RFTN2: variants seen among roughly 807,000 people sequenced by gnomAD.
The protein encoded by RFTN2 is raftlin-2.
Under a neutral mutation model 52.7 loss-of-function variants are expected in RFTN2, and 34 were observed. That is an observed-to-expected ratio of 0.64 (90% CI 0.49 to 0.86). RFTN2 has a LOEUF of 0.86. Ranked by LOEUF, RFTN2 falls within the 40% of genes least tolerant of loss-of-function variation. The pLI is 0.00. For synonymous variants in RFTN2, 203 were observed against 217.7 expected (o/e 0.93, Z 0.59); for missense variants, 536 against 600.1 (o/e 0.89, Z 1.12).
chr2:197,641,372 A>G (rs1014679076), intron 3 of RFTN2, among the ~76,000 whole-genome samples: 1 of 152,232 alleles, frequency 6.6e-6, no homozygotes, highest in Admixed American at 6.5e-5. Context: ...ATTTAAAACA[A>G]CCACAAATTT....
chr2:197,634,070 T>C (rs2088515519), intron 3 of RFTN2, 73 bp from the exon 4 acceptor site: 2 of 1,293,736 alleles, frequency 1.5e-6, no homozygotes, highest in Admixed American at 4.5e-5. Flanking sequence ...AATTAACCTT[T>C]AGGCTTATTG....
chr2:197,666,852 A>G (rs1348220618), intron 1 of RFTN2, among the ~76,000 whole-genome samples: 5 of 151,720 alleles, frequency 3.3e-5, no homozygotes, highest in Admixed American at 6.6e-5. Flanking sequence ...CTTTTGTCTG[A>G]CTGGGTTATT....
chr2:197,636,296 G>C (rs2106239048), intron 3 of RFTN2, among the ~76,000 whole-genome samples: 1 of 132,582 alleles, frequency 7.5e-6, no homozygotes, highest in South Asian at 2.7e-4. Flanking sequence ...GTAGCTTTAT[G>C]GGGATGGCAT....
intron 7 of RFTN2, among the ~76,000 whole-genome samples, chr2:197,597,667 T>A (rs1256135856): frequency 6.6e-6 from 1 of 152,080 alleles, no homozygotes; most frequent in African/African-American, 2.4e-5. Flanking sequence ...CACAGGCATG[T>A]ACCACCACAC....
In RFTN2 at chr2:197,570,688, C is replaced by G. The variant is rs2087301418; in HGVS notation, c.*1320G>C. On this transcript the variant is annotated 3_prime_UTR_variant, in exon 9 of 9. Coordinates refer to ENST00000295049, the MANE Select transcript of RFTN2 (RefSeq NM_144629.3). ...GAGGTTGCAGTGAGCTGCGACTGTG[C>G]CACTGCATTCCAGCCTGGGTGACAG... is the stretch of plus-strand genomic sequence containing the variant. The G allele has an allele frequency of 6.6e-6, 1 of 152,114 alleles. No individual in the cohort carries two copies. The highest frequency in any genetic ancestry group is 2.1e-4 in the South Asian group (1 of 4,828). The allele number at this position is 152,114 out of a possible 1,614,324, so 9.4% of individuals were successfully genotyped here.
intron 6 of RFTN2, 92 bp from the exon 7 acceptor site, chr2:197,616,071 G>A: frequency 1.4e-6 from 1 of 716,594 alleles, no homozygotes; most frequent in South Asian, 1.8e-5. Context: ...AGGATGAGGG[G>A]AGTTCACTTT....
intron 1 of RFTN2, among the ~76,000 whole-genome samples, chr2:197,664,842 A>G (rs1050035373): frequency 5.9e-5 from 9 of 152,192 alleles, no homozygotes; most frequent in African/African-American, 1.9e-4. Context: ...ATTCTAGAGA[A>G]TGTTCCATGT....
intron 4 of RFTN2, among the ~76,000 whole-genome samples, chr2:197,631,798 T>A (rs2088473288): frequency 6.6e-6 from 1 of 152,236 alleles, no homozygotes; most frequent in African/African-American, 2.4e-5. Context: ...GATCATATCT[T>A]CTGCTTTACT....
At chr2:197,619,029 G>A (rs1443378074) in intron 5 of RFTN2, among the ~76,000 whole-genome samples, 4 of 150,572 alleles carry the variant, frequency 2.7e-5, no homozygotes, top group Admixed American at 6.6e-5. Flanking sequence ...CCCCCTGCCC[G>A]GCCAGCCGCC....
Position 197,615,901 on chromosome 2 carries a change from G to C in RFTN2, c.1129C>G (p.Pro377Ala), listed in dbSNP as rs146246670. The C allele has an allele frequency of 1.4e-4, 224 of 1,554,950 alleles. No individual in the cohort carries two copies. Among genetic ancestry groups the C allele is most frequent in the Non-Finnish European group, 1.9e-4 (216 of 1,147,354 alleles). Residue 377 changes from proline (P) to alanine (A), a missense_variant, in exon 7 of 9, where the codon CCC becomes GCC. Transcript: ENST00000295049. ...CTGTCATGTCTCAATACAGGTGTGG[G>C]CAACACGCTTGTCAGAAGCCATCCG... ...EFGWLLTSVL[P>A]TPVLRHDSEG...
In RFTN2 at chr2:197,591,705, G is replaced by A. The variant is rs949751084; in HGVS notation, c.1233+4286C>T. Among the ~76,000 whole-genome samples, 14 of 152,202 alleles carry A rather than the reference G, an allele frequency of 9.2e-5. 1 individual carries two copies. The highest frequency in any genetic ancestry group is 7.9e-4 in the Admixed American group (12 of 15,280). ...CTGCAGGTCCTGAGCCCTGCCCGGC[G>A]GGGAGGCAGCTAAGACCCGGTGAAA... On this transcript the variant is annotated intron_variant, in intron 8 of 8. Coordinates refer to ENST00000295049, the MANE Select transcript of RFTN2 (RefSeq NM_144629.3).
At chr2:197,610,713 A>T (rs965461799) in intron 7 of RFTN2, among the ~76,000 whole-genome samples, 3 of 152,172 alleles carry the variant, frequency 2.0e-5, no homozygotes, top group Non-Finnish European at 4.4e-5. Context: ...GAATGCTTCC[A>T]GTTTTTGCCC....
At chr2:197,619,552 C>T (rs1198808387) in intron 5 of RFTN2, among the ~76,000 whole-genome samples, 2 of 147,118 alleles carry the variant, frequency 1.4e-5, no homozygotes, top group African/African-American at 5.0e-5. Context: ...CAGCATGCTC[C>T]TTAAGAGTCA....
intron 5 of RFTN2, among the ~76,000 whole-genome samples, chr2:197,624,553 T>C (rs1262247759): frequency 8.1e-6 from 1 of 123,836 alleles, no homozygotes; most frequent in Non-Finnish European, 1.6e-5. Flanking sequence ...AGCCAAGATC[T>C]CACCACAGCA....
At chr2:197,664,927 G>A (rs1396290303) in intron 1 of RFTN2, among the ~76,000 whole-genome samples, 2 of 152,266 alleles carry the variant, frequency 1.3e-5, no homozygotes, top group South Asian at 2.1e-4. Flanking sequence ...GTGGTCTAAC[G>A]TCCGGTTTAA....
At chr2:197,584,990 G>A (rs1190326147) in intron 8 of RFTN2, among the ~76,000 whole-genome samples, 3 of 152,108 alleles carry the variant, frequency 2.0e-5, no homozygotes, top group Non-Finnish European at 4.4e-5. Context: ...ACCCTACTTA[G>A]TCATCTATAG....
intron 1 of RFTN2, among the ~76,000 whole-genome samples, chr2:197,657,004 G>T (rs2088903374): frequency 6.6e-6 from 1 of 150,548 alleles, no homozygotes; most frequent in South Asian, 2.1e-4. Flanking sequence ...CCAGGTCACT[G>T]GACCTTCTCA....
intron 7 of RFTN2, among the ~76,000 whole-genome samples, chr2:197,611,674 T>A (rs1340354069): frequency 6.6e-6 from 1 of 152,218 alleles, no homozygotes; most frequent in East Asian, 1.9e-4. Context: ...TGTTTGCTCT[T>A]GCTTCTTTAG....
chr2:197,639,979 G>A (rs960758171), intron 3 of RFTN2, among the ~76,000 whole-genome samples: 5 of 152,018 alleles, frequency 3.3e-5, no homozygotes, highest in South Asian at 2.1e-4. Context: ...TCAGATGCAG[G>A]TCTGTTGGAA....
Sources: gnomAD v4.1 joint callset for allele counts (sites outside exome capture counted in the v4.1 genomes callset) on GRCh38, gnomAD v4.1.1 for gene constraint, MANE v1.5 for transcripts, NCBI Gene and HGNC (gene_info 2026-07-23, HGNC 2026-07-21) for gene names.